Variants in LRRC49 observed in about 807,000 individuals in gnomAD.
The protein encoded by LRRC49 is leucine rich repeat containing 49.
A neutral mutation model predicts 83.3 loss-of-function variants in LRRC49; 50 were observed. The ratio of observed to expected loss-of-function variants is 0.60; its 90% confidence interval spans 0.48 to 0.76. LRRC49 has a LOEUF of 0.76. Ranked by LOEUF, LRRC49 falls within the 30% of genes least tolerant of loss-of-function variation. The pLI is 0.00. For missense variants in LRRC49, 704 were observed against 809.1 expected, an observed-to-expected ratio of 0.87 and a Z score of 1.58; for synonymous variants, 286 against 283.3, an observed-to-expected ratio of 1.01 and a Z score of -0.10.
chr15:71,046,051 C>T (rs2039845873), intron 15 of LRRC49, among the ~76,000 whole-genome samples: 1 of 152,162 alleles, frequency 6.6e-6, no homozygotes, highest in African/African-American at 2.4e-5. Flanking sequence ...TATGTAGTTA[C>T]TATTCCATGG....
Position 71,050,844 on chromosome 15 carries a change from C to CTTTTTCT in LRRC49, c.*1237_*1238insCTTTTTT, listed in dbSNP as rs1555446071. 8 of 144,760 alleles carry CTTTTTCT rather than the reference C, an allele frequency of 5.5e-5. No homozygotes were observed. The highest frequency in any genetic ancestry group is 2.0e-4 in the African/African-American group (8 of 39,510). The allele number at this position is 144,760 out of a possible 1,614,324, so 9.0% of individuals were successfully genotyped here. A position where few individuals can be genotyped will look rare whatever the true frequency, so the allele number is the denominator to read the frequency against. On this transcript the variant is annotated 3_prime_UTR_variant, in exon 16 of 16. Transcript: ENST00000260382. ...AAGGCTGTCCTGGTTTTTTCTTTTT[C>CTTTTTCT]TTTTTTTTTTTTTGAGACAGAGTCT...
In LRRC49 at chr15:70,893,629, G is replaced by C. The variant is rs766528187; in HGVS notation, c.94G>C (p.Glu32Gln). 323 of 1,608,350 alleles carry C rather than the reference G, an allele frequency of 2.0e-4. No homozygotes were observed. Among genetic ancestry groups the C allele is most frequent in the Non-Finnish European group, 2.7e-4 (316 of 1,177,510 alleles). The change falls in exon 2 of 16, where the codon GAA becomes CAA. Residue 32 changes from glutamate (E) to glutamine (Q), a missense_variant. By Grantham distance (29) the Glu-to-Gln change is conservative (BLOSUM62 2). This residue lies in a region of LRRC49 where 261 missense variants were observed against 330.5 expected (regional missense o/e 0.79). Transcript: ENST00000260382. Reference sequence around the variant, plus strand: ...GGTTATTCAAACATCATCGCTTCCTGAAAAAAACAAAGTAAGATTTAAGAA... The same window carrying C: ...GGTTATTCAAACATCATCGCTTCCTCAAAAAAACAAAGTAAGATTTAAGAA... The part of the protein sequence containing the change: ...HLVIQTSSLP[E>Q]KNKVEFKLNK...
At chr15:70,859,251 A>AG (rs2032727105) in intron 1 of LRRC49, 1 of 1,004,886 alleles carries the variant, frequency 1.0e-6, no homozygotes, top group Non-Finnish European at 1.6e-6. Flanking sequence ...AACAAATATG[A>AG]GGATGAGATC....
chr15:70,999,301 C>G (rs1015634157), intron 11 of LRRC49, among the ~76,000 whole-genome samples: 1 of 151,954 alleles, frequency 6.6e-6, no homozygotes, highest in African/African-American at 2.4e-5. Context: ...ATTCTTCCCC[C>G]CTAGGGTTTG....
intron 6 of LRRC49, among the ~76,000 whole-genome samples, chr15:70,916,922 AC>A (rs2034801856): frequency 6.6e-6 from 1 of 151,630 alleles, no homozygotes; most frequent in South Asian, 2.1e-4. Flanking sequence ...CGCAGAAAGT[AC>A]CCCCCAACCC....
chr15:70,894,422 T>C (rs79700385), intron 2 of LRRC49: 6,342 of 333,314 alleles, frequency 0.019, 96 homozygotes, highest in Non-Finnish European at 0.027. Context: ...GACTTAACGT[T>C]ATTTAGAAGT....
intron 2 of LRRC49, chr15:70,881,653 A>C (rs2033266620): frequency 6.6e-6 from 1 of 152,204 alleles, no homozygotes; most frequent in Non-Finnish European, 1.5e-5. Flanking sequence ...TATTTCTCAA[A>C]TGTAGAATTC....
Position 70,955,566 on chromosome 15 carries a change from C to T in LRRC49, c.774-8219C>T, listed in dbSNP as rs185843415. On this transcript the variant is annotated intron_variant, in intron 8 of 15. Transcript: ENST00000260382. ...GTTAGACTCTCCAACTTGAGTGGCTCCTAGGATTGTCTTCTATCTCTCAGC... is the reference window on the plus strand; with the variant it reads ...GTTAGACTCTCCAACTTGAGTGGCTTCTAGGATTGTCTTCTATCTCTCAGC... Among the ~76,000 whole-genome samples the T allele has an allele frequency of 2.6e-5, 4 of 152,270 alleles. No homozygotes were observed. The East Asian group carries it at 7.7e-4, about 29-fold the overall frequency.
intron 14 of LRRC49, among the ~76,000 whole-genome samples, chr15:71,034,193 A>G (rs1214161598): frequency 2.0e-5 from 3 of 152,202 alleles, no homozygotes; most frequent in Non-Finnish European, 4.4e-5. Flanking sequence ...TTTACAAGAA[A>G]AAAACAAACC....
At chr15:70,924,703 C>A (rs1250152012) in intron 7 of LRRC49, among the ~76,000 whole-genome samples, 1 of 151,992 alleles carries the variant, frequency 6.6e-6, no homozygotes, top group Non-Finnish European at 1.5e-5. Context: ...CCTTCTGCAT[C>A]TCTGTCTATC....
Position 70,963,951 on chromosome 15 carries a change from T to C in LRRC49, c.921+19T>C. 6.2e-7 allele frequency: 1 copy of C among 1,606,864 alleles called. No individual in the cohort carries two copies. Among genetic ancestry groups the C allele is most frequent in the African/African-American group, 1.3e-5 (1 of 74,896 alleles). ...AATCACGGTGAGAACCCTTCCAAAGTGTTCACCATGTTGTTGTCCTTAGTG... is the reference window on the plus strand; with the variant it reads ...AATCACGGTGAGAACCCTTCCAAAGCGTTCACCATGTTGTTGTCCTTAGTG... On this transcript the variant is annotated intron_variant, in intron 9 of 15. Coordinates refer to ENST00000260382, the MANE Select transcript of LRRC49 (RefSeq NM_017691.5).
rs147572543 is a variant in LRRC49, at chr15:70,950,009, T to G, written c.773+13187T>G. Among the ~76,000 whole-genome samples, 429 of 152,254 alleles carry G rather than the reference T, an allele frequency of 2.8e-3. 6 individuals carry two copies. Among genetic ancestry groups the G allele is most frequent in the African/African-American group, 0.01 (417 of 41,548 alleles). ...TCCCCAGTGTCTTTGTTCCCTTCTT[T>G]GTATTCATGTGTATTCATCGTCTGG... On this transcript the variant is annotated intron_variant, in intron 8 of 15. Coordinates refer to ENST00000260382, the MANE Select transcript of LRRC49 (RefSeq NM_017691.5).
In LRRC49 at chr15:70,904,702, T is replaced by A. The variant is rs1191258241; in HGVS notation, c.447T>A (p.Ile149=). 1 of 1,613,632 alleles carries A rather than the reference T, an allele frequency of 6.2e-7. No individual in the cohort carries two copies. Among genetic ancestry groups the A allele is most frequent in the African/African-American group, 1.3e-5 (1 of 74,908 alleles). The change falls in exon 5 of 16, where the codon ATT becomes ATA. Residue 149 remains isoleucine (I), a synonymous_variant. Coordinates refer to ENST00000260382, the MANE Select transcript of LRRC49 (RefSeq NM_017691.5). ...TATATGATAACCAGATTGAAGAAAT[T>A]AGTGGGCTTTCGACTCTGAGATGTC... ...LDLYDNQIEE[I]SGLSTLRCLR...
At chr15:70,859,673 A>T in intron 1 of LRRC49, 1 of 658,968 alleles carries the variant, frequency 1.5e-6, no homozygotes, top group South Asian at 1.4e-5. Context: ...CCAGGCTGAG[A>T]TTAAGGGCCT....
chr15:71,045,474 G>T (rs549672862), intron 15 of LRRC49, among the ~76,000 whole-genome samples: 1 of 151,932 alleles, frequency 6.6e-6, no homozygotes, highest in Admixed American at 6.6e-5. Context: ...ATAATTCAGC[G>T]TGCATTTCAT....
chr15:70,872,019 C>G (rs2033057454), intron 1 of LRRC49, among the ~76,000 whole-genome samples: 1 of 152,190 alleles, frequency 6.6e-6, no homozygotes, highest in Non-Finnish European at 1.5e-5. Context: ...GCTGCAATCT[C>G]GGCACTTTGG....
intron 14 of LRRC49, among the ~76,000 whole-genome samples, chr15:71,015,507 C>A (rs1039649497): frequency 6.6e-6 from 1 of 152,136 alleles, no homozygotes; most frequent in African/African-American, 2.4e-5. Flanking sequence ...CGGAGCTCAG[C>A]GGTAATGCTT....
At chr15:71,047,411 T>G (rs753667266) in intron 15 of LRRC49, among the ~76,000 whole-genome samples, 15 of 152,256 alleles carry the variant, frequency 9.9e-5, no homozygotes, top group Non-Finnish European at 1.6e-4. Context: ...CCTTCTTAGC[T>G]GTATTCCTAC....
chr15:71,023,803 T>C (rs186220569), intron 14 of LRRC49, among the ~76,000 whole-genome samples: 2 of 152,296 alleles, frequency 1.3e-5, no homozygotes, highest in Admixed American at 1.3e-4. Context: ...GGAGACTGCC[T>C]AAGACTACTG....
Sources: allele counts gnomAD v4.1 joint callset (sites outside exome capture counted in the v4.1 genomes callset), GRCh38; gene constraint gnomAD v4.1.1; regional missense constraint gnomAD v4.1.1; transcripts MANE v1.5; gene names NCBI Gene and HGNC (gene_info 2026-07-23, HGNC 2026-07-21).